The following SLFN11 variants were observed in gnomAD, a reference collection of about 807,000 sequenced individuals.
SLFN11 encodes the protein schlafen family member 11.
In SLFN11, 43 loss-of-function variants were observed where a neutral mutation model predicts 53.4. The ratio of observed to expected loss-of-function variants is 0.80; its 90% CI spans 0.63 to 1.04. The LOEUF (loss-of-function observed/expected upper bound fraction) is 1.04. Ranked by LOEUF, SLFN11 falls within the 50% of genes least tolerant of loss-of-function variation. The pLI is 0.00. For missense variants in SLFN11, 990 were observed against 1,079.1 expected (o/e 0.92, Z 1.16); for synonymous variants, 389 against 394.7 (o/e 0.99, Z 0.17).
At position 35,352,726 on chromosome 17, in the gene SLFN11, A is replaced by C. The variant is rs1224905204; in HGVS notation, c.2336T>G (p.Ile779Ser). ...TTGCTCCACAGTCAAGTATTTCTTA[A>C]TTCGTAAGGTTCCCTGAACACCCTG... The part of the protein sequence containing the change: ...WSQGVQGTLR[I>S]KKYLTVEQIM... The change falls in exon 7 of 7, where the codon ATT becomes AGT. Residue 779 changes from isoleucine (I) to serine (S), a missense_variant. By Grantham distance (142) the Ile-to-Ser change is moderately radical (BLOSUM62 -2). Transcript: ENST00000685675. 6.2e-7 allele frequency: 1 copy of C among 1,614,084 alleles called. No homozygotes were observed. The highest frequency in any genetic ancestry group is 1.3e-5 in the African/African-American group (1 of 74,930).
intron 3 of SLFN11, among the ~76,000 whole-genome samples, 188 bp from the exon 4 acceptor site, chr17:35,364,014 A>T (rs1597719927): frequency 6.6e-6 from 1 of 152,140 alleles, no homozygotes; most frequent in Non-Finnish European, 1.5e-5. Flanking sequence ...ATCATATATG[A>T]TATGGGCTAT....
At chr17:35,360,068 G>A (rs1908006223) in intron 5 of SLFN11, 175 bp downstream of exon 5, 1 of 594,962 alleles carries the variant, frequency 1.7e-6, no homozygotes, top group East Asian at 3.2e-5. Context: ...AGCCAGTGGG[G>A]TCAGTAAGGG....
rs186964014 is a variant in SLFN11 at position 35,371,270 on chromosome 17, G to A, written c.-235+2204C>T. On this transcript the variant is annotated intron_variant, in intron 1 of 6. Coordinates refer to ENST00000685675, the MANE Select transcript of SLFN11 (RefSeq NM_001376007.1). ...CACTGGGAAAACTGGATATCTATCC[G>A]CAGAACAATGAAACTAGACTCCTAA... 1.6e-4 allele frequency among the ~76,000 whole-genome samples: 25 copies of A among 152,150 alleles called. No homozygotes were observed. In the East Asian group the frequency reaches 1.9e-3, roughly 12 times the overall value.
In SLFN11 at chr17:35,366,939, G is replaced by T. The variant is rs574799180; in HGVS notation, c.-20+8C>A. Reference sequence around the variant, plus strand: ...ATACAAAAATTAGGCAGGTGTGGTGGTACTCACCTGTGGTCCCAGCTACTC... The same window carrying T: ...ATACAAAAATTAGGCAGGTGTGGTGTTACTCACCTGTGGTCCCAGCTACTC... On this transcript the variant is annotated splice_region_variant and intron_variant, in intron 3 of 6. Coordinates refer to ENST00000685675, the MANE Select transcript of SLFN11 (RefSeq NM_001376007.1). 6.6e-6 allele frequency: 1 copy of T among 151,994 alleles called. No individual in the cohort carries two copies. Among genetic ancestry groups the T allele is most frequent in the South Asian group, 2.1e-4 (1 of 4,814 alleles). 9.4% of individuals were successfully genotyped at this position (151,994 alleles called of 1,614,324 possible).
At chr17:35,372,086 G>C (rs1909750057) in intron 1 of SLFN11, among the ~76,000 whole-genome samples, 1 of 152,142 alleles carries the variant, frequency 6.6e-6, no homozygotes, top group African/African-American at 2.4e-5. Context: ...TCCATCAGCA[G>C]ATGAATGGAT....
intron 5 of SLFN11, among the ~76,000 whole-genome samples, chr17:35,356,760 C>A (rs1907529302): frequency 6.7e-6 from 1 of 150,242 alleles, no homozygotes; most frequent in East Asian, 2.0e-4. Flanking sequence ...CAGTGAGTAA[C>A]CTTGTATGTT....
In SLFN11 at chr17:35,352,032, AG is replaced by A. The variant is rs1208578577; in HGVS notation, c.*323del. On this transcript the variant is annotated 3_prime_UTR_variant, in exon 7 of 7. Transcript: ENST00000685675. ...AGAAGCCCAGCCTTGGAAGAAAGAA[AG>A]GCCACAGGCTGAGTTTCTTATTTTT... The A allele has an allele frequency of 3.6e-6, 1 of 276,440 alleles. No homozygotes were observed. 17.1% of individuals were successfully genotyped at this position (276,440 alleles called of 1,614,324 possible). A position where few individuals can be genotyped will look rare whatever the true frequency, so the allele number is the denominator to read the frequency against.
chr17:35,354,377 T>C (rs1343787615), intron 5 of SLFN11, among the ~76,000 whole-genome samples: 1 of 152,068 alleles, frequency 6.6e-6, no homozygotes, highest in African/African-American at 2.4e-5. Context: ...TAACATAAAA[T>C]GTTTGGCTCA....
At chr17:35,364,701 A>G (rs986085110) in intron 3 of SLFN11, among the ~76,000 whole-genome samples, 4 of 152,176 alleles carry the variant, frequency 2.6e-5, no homozygotes, top group African/African-American at 9.6e-5. Context: ...TCTTACCTAT[A>G]AAACATGGTG....
intron 3 of SLFN11, among the ~76,000 whole-genome samples, chr17:35,365,969 G>A (rs1294077874): frequency 6.6e-6 from 1 of 152,110 alleles, no homozygotes; most frequent in Non-Finnish European, 1.5e-5. Context: ...TACATACAAT[G>A]CTGTAAGTTC....
chr17:35,352,871 C>G lies in SLFN11; in HGVS notation c.2191G>C (p.Val731Leu). 6 of 1,614,184 alleles carry G rather than the reference C, an allele frequency of 3.7e-6. No homozygotes were observed. The highest frequency in any genetic ancestry group is 5.1e-6 in the Non-Finnish European group (6 of 1,180,032). ...TTGGCTATTGGATCTGCATTGCGAA[C>G]TATTCTGGTGAGCTCTTCTCTTGGA... ...QYPREELTRI[V>L]RNADPIAKYL... The change falls in exon 7 of 7, where the codon GTT (valine) becomes CTT (leucine). Residue 731 changes from valine to leucine, a missense_variant. By Grantham distance (32) the Val-to-Leu change is conservative. Around this residue, in one of 3 missense-constraint regions of SLFN11, gnomAD observed 313 missense variants for 320.9 expected, o/e 0.98. Coordinates refer to ENST00000685675, the MANE Select transcript of SLFN11 (RefSeq NM_001376007.1).
At chr17:35,370,868 C>G (rs1909563024) in intron 1 of SLFN11, among the ~76,000 whole-genome samples, 1 of 152,012 alleles carries the variant, frequency 6.6e-6, no homozygotes, top group Admixed American at 6.5e-5. Context: ...TTGGAAGAAT[C>G]AATATTGTTA....
Position 35,360,354 on chromosome 17 carries a change from C to G in SLFN11, c.1087G>C (p.Glu363Gln). The change falls in exon 5 of 7, where the codon GAA becomes CAA. Residue 363 changes from glutamate (E) to glutamine (Q), a missense_variant. Glu to Gln is a conservative substitution (Grantham distance 29, BLOSUM62 2). This residue lies in a region of SLFN11 where 521 missense variants were observed against 516.2 expected (regional missense o/e 1.01). Transcript: ENST00000685675. Reference protein sequence around the residue: ...DTDPDLLQLSEDFECQLSLSS... With the variant: ...DTDPDLLQLSQDFECQLSLSS... ...AGACTCAGCTGACATTCAAAATCTT[C>G]AGACAACTGTAGAAGATCTTAAGAA... The G allele has an allele frequency of 6.2e-7, 1 of 1,607,184 alleles. No homozygotes were observed. Among genetic ancestry groups the G allele is most frequent in the Non-Finnish European group, 8.5e-7 (1 of 1,177,756 alleles).
rs144026576 is a variant in SLFN11 at position 35,368,420 on chromosome 17, T to C, written c.-234-720A>G. Among the ~76,000 whole-genome samples the C allele has an allele frequency of 4.1e-4, 63 of 152,234 alleles. 1 individual carries two copies. The East Asian group carries it at 0.012, about 28-fold the overall frequency. ...GCAAAACCATGCTGAATCCAGCATA[T>C]ACCTGCCCATGGAGGCAGAATTTGG... On this transcript the variant is annotated intron_variant, in intron 1 of 6. Coordinates refer to ENST00000685675, the MANE Select transcript of SLFN11 (RefSeq NM_001376007.1).
chr17:35,361,393 A>G (rs1291028933), intron 4 of SLFN11, among the ~76,000 whole-genome samples: 1 of 152,110 alleles, frequency 6.6e-6, no homozygotes, highest in Non-Finnish European at 1.5e-5. Context: ...ACACAGGACA[A>G]TATGAAACGG....
intron 5 of SLFN11, among the ~76,000 whole-genome samples, chr17:35,357,139 C>CGTGTGTGTGTGTGTGTGT (rs35291259): frequency 7.0e-6 from 1 of 142,820 alleles, no homozygotes; most frequent in South Asian, 2.3e-4. Flanking sequence ...TTTTTCTGTG[C>CGTGTGTGTGTGTGTGTGT]GTGTGTGTGT....
chr17:35,354,219 C>A (rs1203571644), intron 5 of SLFN11, among the ~76,000 whole-genome samples, 160 bp from the exon 6 acceptor site: 1 of 151,836 alleles, frequency 6.6e-6, no homozygotes, highest in Admixed American at 6.6e-5. Context: ...AGGAAAAGAA[C>A]CCTTGGAATA....
chr17:35,355,920 T>G (rs907461437), intron 5 of SLFN11, among the ~76,000 whole-genome samples: 2 of 152,156 alleles, frequency 1.3e-5, no homozygotes, highest in Admixed American at 6.5e-5. Flanking sequence ...TTGTATCCAT[T>G]CTGGGAACTA....
chr17:35,363,282 C>T lies in SLFN11; in HGVS notation c.526G>A (p.Glu176Lys), dbSNP rs1258916838. ...TCAGCAGGATCCGAGTTAGGGAGCT[C>T]TTGGTATACACCCTTGTGAATTTTG... ...FHKIHKGVYQELPNSDPADPN... is the reference protein window; with the variant it reads ...FHKIHKGVYQKLPNSDPADPN... The change falls in exon 4 of 7, where the codon GAG (glutamate) becomes AAG (lysine). Residue 176 changes from glutamate to lysine, a missense_variant. By Grantham distance (56) the Glu-to-Lys change is moderately conservative. Transcript: ENST00000685675. 1.2e-6 allele frequency: 2 copies of T among 1,613,996 alleles called. No individual in the cohort carries two copies. Among genetic ancestry groups the T allele is most frequent in the Non-Finnish European group, 1.7e-6 (2 of 1,179,984 alleles).
Sources: allele counts gnomAD v4.1 joint callset (sites outside exome capture counted in the v4.1 genomes callset), GRCh38; gene constraint gnomAD v4.1.1; regional missense constraint gnomAD v4.1.1; transcripts MANE v1.5; gene names NCBI Gene and HGNC (gene_info 2026-07-23, HGNC 2026-07-21).